KATNIP: variants seen among roughly 807,000 people sequenced by gnomAD.
The protein encoded by KATNIP is katanin interacting protein.
In KATNIP, 126 loss-of-function variants were observed where a neutral mutation model predicts 174.0. The observed-to-expected ratio is 0.72, with a 90% confidence interval of 0.63 to 0.84. The LOEUF (loss-of-function observed/expected upper bound fraction) is 0.84, where lower values mean the gene tolerates loss of function less well. KATNIP is among the 40% of genes least tolerant of loss of function. The pLI, the probability that KATNIP is intolerant of heterozygous loss-of-function variation, is 0.00. For synonymous variants in KATNIP, 810 were observed against 835.7 expected, an observed-to-expected ratio of 0.97 and a Z score of 0.53; for missense variants, 1,958 against 2,109.7, an observed-to-expected ratio of 0.93 and a Z score of 1.41.
At chr16:27,638,551 CCCAGTGG>C (rs913610415) in intron 5 of KATNIP, among the ~76,000 whole-genome samples, 4 of 152,122 alleles carry the variant, frequency 2.6e-5, no homozygotes, top group Non-Finnish European at 5.9e-5. Context: ...CAGCCAAGTC[CCCAGTGG>C]CCAGTGGCCA....
chr16:27,600,655 C>A (rs1333505455), intron 2 of KATNIP, among the ~76,000 whole-genome samples: 2 of 151,930 alleles, frequency 1.3e-5, no homozygotes, highest in Admixed American at 6.6e-5. Flanking sequence ...TTCTCTTCTG[C>A]AAAGCCCACC....
intron 2 of KATNIP, among the ~76,000 whole-genome samples, chr16:27,603,341 A>T (rs1175105233): frequency 6.6e-6 from 1 of 152,190 alleles, no homozygotes; most frequent in Non-Finnish European, 1.5e-5. Context: ...GGGAAGGGCT[A>T]TTATTATTTA....
chr16:27,741,242 A>G (rs2081097342), intron 15 of KATNIP, among the ~76,000 whole-genome samples: 1 of 152,284 alleles, frequency 6.6e-6, no homozygotes, highest in Non-Finnish European at 1.5e-5. Flanking sequence ...TCATAGAGAC[A>G]TCGGTCTCTA....
intron 20 of KATNIP, among the ~76,000 whole-genome samples, chr16:27,769,163 G>C (rs2082217292): frequency 6.6e-6 from 1 of 152,222 alleles, no homozygotes; most frequent in Admixed American, 6.5e-5. Flanking sequence ...AGCATCTGCT[G>C]TGTTCCAGGC....
In KATNIP at chr16:27,631,129, C is replaced by T. The variant is rs1289330180; in HGVS notation, c.375C>T (p.Ala125=). 1.9e-6 allele frequency: 3 copies of T among 1,575,586 alleles called. No homozygotes were observed. Among genetic ancestry groups the T allele is most frequent in the African/African-American group, 1.3e-5 (1 of 74,182 alleles). The change falls in exon 5 of 28, where the codon GCC becomes GCT. Residue 125 remains alanine, a synonymous_variant. Coordinates refer to ENST00000261588, the MANE Select transcript of KATNIP (RefSeq NM_015202.5). ...CCTTAAGACGCAGTTCACGGACAGC[C>T]CCCAGTAAAGTCCAGCGCCGAGGAT... ...EEALRRSSRT[A]PSKVQRRGWH...
intron 3 of KATNIP, among the ~76,000 whole-genome samples, chr16:27,623,907 C>T (rs1224693766): frequency 6.6e-6 from 1 of 152,134 alleles, no homozygotes; most frequent in Non-Finnish European, 1.5e-5. Flanking sequence ...TCAAAGGGTC[C>T]TCATTGCCAG....
chr16:27,556,865 G>A (rs2141554425), intron 1 of KATNIP, among the ~76,000 whole-genome samples: 1 of 152,276 alleles, frequency 6.6e-6, no homozygotes, highest in East Asian at 1.9e-4. Flanking sequence ...TAGACTCTTT[G>A]TGTCTGTTCT....
chr16:27,706,757 C>T (rs2079325235), intron 12 of KATNIP, among the ~76,000 whole-genome samples: 2 of 152,248 alleles, frequency 1.3e-5, no homozygotes, highest in African/African-American at 4.8e-5. Flanking sequence ...CCATCTGGTC[C>T]TCCTGCCTCC....
intron 14 of KATNIP, among the ~76,000 whole-genome samples, chr16:27,729,671 T>C (rs2080584077): frequency 6.6e-6 from 1 of 152,156 alleles, no homozygotes; most frequent in South Asian, 2.1e-4. Flanking sequence ...TTACTGCGAA[T>C]GCACACTACT....
chr16:27,602,898 C>T (rs2075578754), intron 2 of KATNIP, among the ~76,000 whole-genome samples: 1 of 152,170 alleles, frequency 6.6e-6, no homozygotes, highest in Non-Finnish European at 1.5e-5. Flanking sequence ...AGGGTTTCGC[C>T]ATTTTGGCCA....
chr16:27,757,420 C>G lies in KATNIP; in HGVS notation c.3631+3169C>G, dbSNP rs1250836593. On this transcript the variant is annotated intron_variant, in intron 18 of 27. Coordinates refer to ENST00000261588, the MANE Select transcript of KATNIP (RefSeq NM_015202.5). ...TCTCCAGAGCGGGTCAGAGTGTGGT[C>G]ACCAGAAGGAAGGCAGGAATGCTGG... The G allele has an allele frequency of 4.7e-6, 4 of 855,108 alleles. No homozygotes were observed. The East Asian group carries it at 4.9e-4, about 104-fold the overall frequency. 53.0% of individuals were successfully genotyped at this position (855,108 alleles called of 1,614,324 possible). A position where few individuals can be genotyped will look rare whatever the true frequency, so the allele number is the denominator to read the frequency against.
intron 12 of KATNIP, among the ~76,000 whole-genome samples, chr16:27,705,827 C>T (rs577298844): frequency 9.4e-4 from 143 of 152,184 alleles, no homozygotes; most frequent in African/African-American, 3.3e-3. Context: ...AGGGGCCCCC[C>T]AGCACACCTG....
At position 27,740,560 on chromosome 16, in the gene KATNIP, T is replaced by C; in HGVS notation, c.2263T>C (p.Leu755=). Residue 755 remains leucine, a synonymous_variant, in exon 15 of 28, where the codon TTA becomes CTA. Coordinates refer to ENST00000261588, the MANE Select transcript of KATNIP (RefSeq NM_015202.5). ...GCCACCCGGGAAAACCCCATCCTGG[T>C]TACAACCTTCTCCCACCGGCAAGGA... is the stretch of plus-strand genomic sequence containing the variant. ...CEPPGKTPSW[L]QPSPTGKDRK... is the part of the protein sequence containing the mutation. 1 of 1,613,844 alleles carries C rather than the reference T, an allele frequency of 6.2e-7. No homozygotes were observed. The highest frequency in any genetic ancestry group is 1.3e-5 in the African/African-American group (1 of 74,908).
rs375581366 is a variant in KATNIP at position 27,553,119 on chromosome 16, A to G, written c.7+2942A>G. Among the ~76,000 whole-genome samples the G allele has an allele frequency of 3.2e-4, 49 of 152,330 alleles. 1 individual carries two copies. The highest frequency in any genetic ancestry group is 8.9e-4 in the African/African-American group (37 of 41,566). On this transcript the variant is annotated intron_variant, in intron 1 of 27. Coordinates refer to ENST00000261588, the MANE Select transcript of KATNIP (RefSeq NM_015202.5). Reference sequence around the variant, plus strand: ...CCCTTTCATTGGCTGCTTTACCCATATATGGTTTTATAACATCAGCCATTG... The same window carrying G: ...CCCTTTCATTGGCTGCTTTACCCATGTATGGTTTTATAACATCAGCCATTG...
At chr16:27,754,378 G>C in intron 18 of KATNIP, 127 bp downstream of exon 18, 1 of 760,258 alleles carries the variant, frequency 1.3e-6, no homozygotes, top group Non-Finnish European at 2.2e-6. Flanking sequence ...AGAGACACCA[G>C]GCCATGGGGC....
At chr16:27,699,747 T>C (rs1597211025) in intron 10 of KATNIP, 148 bp downstream of exon 10, 1 of 1,016,382 alleles carries the variant, frequency 9.8e-7, no homozygotes, top group South Asian at 1.6e-5. Flanking sequence ...TCCTACCAGG[T>C]CCTCACTGTG....
At chr16:27,733,760 G>A (rs1454458610) in intron 14 of KATNIP, among the ~76,000 whole-genome samples, 1 of 152,132 alleles carries the variant, frequency 6.6e-6, no homozygotes, top group African/African-American at 2.4e-5. Context: ...GCTGGTTCTT[G>A]AGGAGAGAAA....
At chr16:27,764,878 A>G (rs2082069822) in intron 19 of KATNIP, among the ~76,000 whole-genome samples, 2 of 152,220 alleles carry the variant, frequency 1.3e-5, no homozygotes, top group Admixed American at 6.5e-5. Flanking sequence ...CCTCAGTTTT[A>G]AGATGCCAGC....
intron 5 of KATNIP, among the ~76,000 whole-genome samples, chr16:27,640,213 T>C (rs896044340): frequency 2.0e-5 from 3 of 152,212 alleles, no homozygotes; most frequent in Admixed American, 6.5e-5. Flanking sequence ...CTCCCCCATA[T>C]GATTGATACT....
Sources: allele counts gnomAD v4.1 joint callset (sites outside exome capture counted in the v4.1 genomes callset), GRCh38; gene constraint gnomAD v4.1.1; transcripts MANE v1.5; gene names NCBI Gene and HGNC (gene_info 2026-07-23, HGNC 2026-07-21).